The following TENM3 variants were observed in gnomAD, a reference collection of about 807,000 sequenced individuals.
TENM3 encodes the protein teneurin-3.
A neutral mutation model predicts 255.1 loss-of-function variants in TENM3; 63 were observed. That is an observed-to-expected ratio of 0.25 (90% CI 0.20 to 0.30). TENM3 has a LOEUF of 0.30. Among genes scored for constraint, TENM3 ranks in the 10% least tolerant of loss-of-function variants. TENM3 has a pLI of 1.00. For synonymous variants in TENM3, 1,306 were observed against 1,322.3 expected (o/e 0.99, Z 0.27); for missense variants, 2,929 against 3,461.1 (o/e 0.85, Z 3.86).
chr4:182,561,447 A>T (rs1015273742), intron 3 of TENM3, among the ~76,000 whole-genome samples: 5 of 147,410 alleles, frequency 3.4e-5, no homozygotes, highest in African/African-American at 1.2e-4. Context: ...TTTGTATATT[A>T]AAAAAAAAAG....
At chr4:181,590,420 A>G in the TENM3 span, among the ~76,000 whole-genome samples, 2 of 152,172 alleles carry the variant, frequency 1.3e-5, no homozygotes, top group African/African-American at 2.4e-5. Context: ...ACAGATGGTC[A>G]TCTTGGAACA....
chr4:182,745,848 G>A (rs972060362), intron 19 of TENM3, among the ~76,000 whole-genome samples: 5 of 150,690 alleles, frequency 3.3e-5, no homozygotes, highest in South Asian at 2.1e-4. Flanking sequence ...TTAGAGTTAC[G>A]TCTTTATTAA....
At chr4:182,603,763 A>ATTTTTT (rs1400665303) in intron 4 of TENM3, among the ~76,000 whole-genome samples, 17 of 123,048 alleles carry the variant, frequency 1.4e-4, no homozygotes, top group Admixed American at 1.1e-3. Flanking sequence ...TTTGGCAATT[A>ATTTTTT]TTTATATATA....
At chr4:181,750,089 A>C in the TENM3 span, among the ~76,000 whole-genome samples, 1 of 152,202 alleles carries the variant, frequency 6.6e-6, no homozygotes, top group Admixed American at 6.5e-5. Flanking sequence ...CGGAAAGCAG[A>C]GAAGAAAGGA....
intron 1 of TENM3, among the ~76,000 whole-genome samples, chr4:182,259,960 C>A (rs932085768): frequency 2.7e-5 from 4 of 150,516 alleles, no homozygotes; most frequent in Admixed American, 1.3e-4. Context: ...GCTTTTTTAG[C>A]CCCCTGCATA....
intron 1 of TENM3, among the ~76,000 whole-genome samples, chr4:182,212,929 C>G (rs565144062): frequency 6.6e-6 from 1 of 152,264 alleles, no homozygotes; most frequent in African/African-American, 2.4e-5. Context: ...AGAAAATAAA[C>G]TAAGTCTGAT....
intron 3 of TENM3, among the ~76,000 whole-genome samples, chr4:182,527,814 G>T (rs1460851023): frequency 2.0e-5 from 3 of 152,080 alleles, no homozygotes; most frequent in East Asian, 3.9e-4. Flanking sequence ...TGCAACCTCT[G>T]CCTCCGGGGT....
intron 14 of TENM3, among the ~76,000 whole-genome samples, chr4:182,729,472 A>ACATTT: frequency 6.6e-6 from 1 of 152,218 alleles, no homozygotes; most frequent in Non-Finnish European, 1.5e-5. Flanking sequence ...TTTCAAAAGA[A>ACATTT]GCAGTGAAAA....
At chr4:182,540,808 A>G (rs890721295) in intron 3 of TENM3, among the ~76,000 whole-genome samples, 2 of 152,324 alleles carry the variant, frequency 1.3e-5, no homozygotes, top group African/African-American at 4.8e-5. Flanking sequence ...GCAAAGGGCA[A>G]TGAAGAGGAA....
At chr4:182,495,758 GT>G (rs1735719005) in intron 3 of TENM3, among the ~76,000 whole-genome samples, 1 of 152,154 alleles carries the variant, frequency 6.6e-6, no homozygotes, top group South Asian at 2.1e-4. Flanking sequence ...CAGTACTAAA[GT>G]CATTTTGAAA....
the TENM3 span, among the ~76,000 whole-genome samples, chr4:181,904,233 A>C: frequency 2.6e-5 from 4 of 152,142 alleles, no homozygotes; most frequent in East Asian, 7.8e-4. Flanking sequence ...CAGTCCTCAC[A>C]TGATCTACGG....
chr4:182,572,592 G>A (rs1216437749), intron 3 of TENM3, among the ~76,000 whole-genome samples: 1 of 152,066 alleles, frequency 6.6e-6, no homozygotes, highest in South Asian at 2.1e-4. Context: ...TTCACAGATG[G>A]GTGTACCTCT....
chr4:181,899,843 G>A, the TENM3 span, among the ~76,000 whole-genome samples: 1 of 152,122 alleles, frequency 6.6e-6, no homozygotes, highest in African/African-American at 2.4e-5. Context: ...TGGGATTACA[G>A]GCTATGTTTT....
At chr4:182,777,422 G>C (rs139109789) in intron 24 of TENM3, among the ~76,000 whole-genome samples, 3 of 151,226 alleles carry the variant, frequency 2.0e-5, no homozygotes, top group Non-Finnish European at 2.9e-5. Flanking sequence ...CCTTGCAAAT[G>C]TTTGACTGCT....
intron 7 of TENM3, among the ~76,000 whole-genome samples, chr4:182,674,226 A>G (rs1253029712): frequency 6.6e-6 from 1 of 152,162 alleles, no homozygotes; most frequent in East Asian, 1.9e-4. Flanking sequence ...GCTTTATATC[A>G]TATAATTTTG....
Position 182,653,775 on chromosome 4 carries a change from G to A in TENM3, c.993G>A (p.Met331Ile). Residue 331 changes from methionine (M) to isoleucine (I), a missense_variant, in exon 6 of 28, where the codon ATG becomes ATA. By Grantham distance (10) the Met-to-Ile change is conservative. This residue lies in a region of TENM3 where 1,608 missense variants were observed against 1,884.4 expected (regional missense o/e 0.85). Transcript: ENST00000511685. ...ACTTGTGTTCTTTACCCCCAGCAAT[G>A]CATCTCTTTGGCCTCAACTGGCAGC... ...LAILLSYFIA[M>I]HLFGLNWQLQ... 6.2e-7 allele frequency: 1 copy of A among 1,609,222 alleles called. No homozygotes were observed. Among genetic ancestry groups the A allele is most frequent in the East Asian group, 2.2e-5 (1 of 44,598 alleles).
intron 4 of TENM3, among the ~76,000 whole-genome samples, chr4:182,624,660 G>A (rs911888119): frequency 6.6e-6 from 1 of 152,014 alleles, no homozygotes; most frequent in African/African-American, 2.4e-5. Flanking sequence ...TTTCTCCCCA[G>A]TCCACTCTAT....
the TENM3 span, among the ~76,000 whole-genome samples, chr4:181,893,425 A>G: frequency 1.3e-5 from 2 of 151,586 alleles, no homozygotes; most frequent in East Asian, 3.9e-4. Context: ...CTAATAAATT[A>G]TAGTCATCTA....
the TENM3 span, among the ~76,000 whole-genome samples, chr4:181,842,374 T>C: frequency 6.6e-6 from 1 of 152,234 alleles, no homozygotes; most frequent in Admixed American, 6.5e-5. Flanking sequence ...AAATATCTAA[T>C]TCTATATCTG....
Sources: allele counts gnomAD v4.1 joint callset (sites outside exome capture counted in the v4.1 genomes callset), GRCh38; gene constraint gnomAD v4.1.1; regional missense constraint gnomAD v4.1.1; transcripts MANE v1.5; gene names NCBI Gene and HGNC (gene_info 2026-07-23, HGNC 2026-07-21).